CS: variants seen among roughly 807,000 people sequenced by gnomAD.
CS encodes citrate synthase, mitochondrial.
In CS, 13 loss-of-function variants were observed where a neutral mutation model predicts 61.4. The observed-to-expected ratio is 0.21, with a 90% CI of 0.14 to 0.34. CS has a LOEUF of 0.34. Among genes scored for constraint, CS ranks in the 10% least tolerant of loss-of-function variants. The pLI is 1.00. For missense variants in CS, 278 were observed against 573.4 expected (o/e 0.48, Z 5.26); for synonymous variants, 159 against 215.2 (o/e 0.74, Z 2.29).
intron 1 of CS, among the ~76,000 whole-genome samples, chr12:56,294,688 TC>T (rs1873240735): frequency 6.6e-6 from 1 of 151,670 alleles, no homozygotes; most frequent in Non-Finnish European, 1.5e-5. Flanking sequence ...TGCCTCAGCC[TC>T]CCGAGTAGCT....
intron 6 of CS, among the ~76,000 whole-genome samples, chr12:56,278,207 T>C (rs570192928): frequency 6.6e-6 from 1 of 152,174 alleles, no homozygotes; most frequent in East Asian, 1.9e-4. Context: ...CTCAGCTCAC[T>C]GCAACCTCCG....
intron 6 of CS, among the ~76,000 whole-genome samples, chr12:56,277,031 CT>C (rs903639568): frequency 1.3e-5 from 2 of 151,888 alleles, no homozygotes; most frequent in African/African-American, 4.8e-5. Context: ...GAAACCTGGT[CT>C]CTTCTAAAAA....
chr12:56,292,885 CAG>C (rs2135924587), intron 1 of CS, among the ~76,000 whole-genome samples: 1 of 151,874 alleles, frequency 6.6e-6, no homozygotes, highest in South Asian at 2.1e-4. Flanking sequence ...GCCTGGGCGA[CAG>C]AGTGAGACTC....
At chr12:56,286,191 G>C (rs1464562475) in intron 2 of CS, 168 bp from the exon 3 acceptor site, 1 of 601,870 alleles carries the variant, frequency 1.7e-6, no homozygotes, top group African/African-American at 1.9e-5. Context: ...GGGGGAAGAA[G>C]GAATGAGGAG....
At chr12:56,299,984 G>A (rs1873433124) in intron 1 of CS, 176 bp downstream of exon 1, 8 of 588,268 alleles carry the variant, frequency 1.4e-5, no homozygotes, top group African/African-American at 2.0e-5. Flanking sequence ...GGAGCCAGAA[G>A]GGAAGCGCGG....
chr12:56,274,510 T>C (rs1354540362), intron 9 of CS: 1 of 312,340 alleles, frequency 3.2e-6, no homozygotes, highest in Non-Finnish European at 5.9e-6. Context: ...TGGAGTGTAG[T>C]GGCTATTCAC....
At chr12:56,287,272 G>A (rs1378722007) in intron 1 of CS, among the ~76,000 whole-genome samples, 2 of 152,050 alleles carry the variant, frequency 1.3e-5, no homozygotes, top group Non-Finnish European at 2.9e-5. Flanking sequence ...CTGAGGTCAG[G>A]AGTTCAAGAC....
chr12:56,289,281 A>G (rs1287642643), intron 1 of CS, among the ~76,000 whole-genome samples: 4 of 152,162 alleles, frequency 2.6e-5, no homozygotes, highest in Admixed American at 6.5e-5. Flanking sequence ...AGTTCAAACT[A>G]TTGTTCTACA....
chr12:56,280,287 C>T (rs991705335), intron 6 of CS, among the ~76,000 whole-genome samples: 5 of 151,396 alleles, frequency 3.3e-5, no homozygotes, highest in Admixed American at 6.6e-5. Context: ...TGGTGGTGTG[C>T]GCCTGTAATC....
At chr12:56,286,077 C>T in intron 2 of CS, 54 bp from the exon 3 acceptor site, 1 of 1,477,044 alleles carries the variant, frequency 6.8e-7, no homozygotes. Flanking sequence ...ATTAGATTTC[C>T]TGCAAAGTAG....
At chr12:56,274,421 G>T in intron 9 of CS, 2 of 182,398 alleles carry the variant, frequency 1.1e-5, no homozygotes, top group Non-Finnish European at 2.3e-5. Flanking sequence ...AAAGTGCTAA[G>T]ATTATAAGCG....
chr12:56,298,626 G>C (rs1042340153), intron 1 of CS: 1 of 985,312 alleles, frequency 1.0e-6, no homozygotes, highest in African/African-American at 1.7e-5. Context: ...CCCAGCAGCA[G>C]GAGAAGCAAC....
chr12:56,294,796 T>C (rs962657516), intron 1 of CS, among the ~76,000 whole-genome samples: 4 of 148,602 alleles, frequency 2.7e-5, no homozygotes, highest in African/African-American at 1.0e-4. Context: ...TTGAGACGAG[T>C]CTCACTCTAT....
chr12:56,285,712 G>T (rs1032155744), intron 3 of CS, among the ~76,000 whole-genome samples: 1 of 152,188 alleles, frequency 6.6e-6, no homozygotes, highest in Non-Finnish European at 1.5e-5. Flanking sequence ...CTAGGAGAAG[G>T]GGATGGAGAC....
At position 56,282,629 on chromosome 12, in the gene CS, C is replaced by T. The variant is rs199775872; in HGVS notation, c.400-21G>A. The stretch of plus-strand genomic sequence containing the variant: ...GATACCTGTGGAAAAAGAGACAGTG[C>T]TCAGAACACCAGCAAGGACAAGGAA... On this transcript the variant is annotated intron_variant, in intron 5 of 10. Coordinates refer to ENST00000351328, the MANE Select transcript of CS (RefSeq NM_004077.3). 3.3e-5 allele frequency: 53 copies of T among 1,589,890 alleles called. No homozygotes were observed. In the South Asian group the frequency reaches 5.8e-4, roughly 17 times the overall value.
intron 7 of CS, 172 bp downstream of exon 7, chr12:56,275,824 C>T: frequency 1.6e-6 from 1 of 629,130 alleles, no homozygotes; most frequent in South Asian, 2.0e-5. Context: ...CTTTAGGCCT[C>T]CTGACCTTGC....
Position 56,274,897 on chromosome 12 carries a change from GA to G in CS, c.919-20del. The G allele has an allele frequency of 1.9e-6, 3 of 1,603,794 alleles. No homozygotes were observed. Among genetic ancestry groups the G allele is most frequent in the Non-Finnish European group, 2.6e-6 (3 of 1,175,302 alleles). ...GCACTTCCTATGGGTAAGGTTTGGG[GA>G]AAAAGGGAATGTTAATACATATGCC... On this transcript the variant is annotated intron_variant, in intron 8 of 10. Transcript: ENST00000351328.
At chr12:56,274,494 C>T (rs865995827) in intron 9 of CS, 7 of 284,890 alleles carry the variant, frequency 2.5e-5, no homozygotes, top group Non-Finnish European at 4.6e-5. Context: ...GCTGTGTTGT[C>T]CTGGCTGGAG....
intron 6 of CS, among the ~76,000 whole-genome samples, chr12:56,280,506 A>T (rs1372025589): frequency 6.6e-6 from 1 of 150,784 alleles, no homozygotes; most frequent in East Asian, 2.0e-4. Context: ...ATGTGCCTGT[A>T]GTCCTTGTTA....
Sources: gnomAD v4.1 joint callset for allele counts (sites outside exome capture counted in the v4.1 genomes callset) on GRCh38, gnomAD v4.1.1 for gene constraint, MANE v1.5 for transcripts, NCBI Gene and HGNC (gene_info 2026-07-23, HGNC 2026-07-21) for gene names.